Variants in HTN1 observed in about 807,000 individuals in gnomAD.
HTN1 encodes the protein histatin 1.
In HTN1, 18 loss-of-function variants were observed where a neutral mutation model predicts 11.2. That is an observed-to-expected ratio of 1.61 (90% CI 1.12 to 2.39). The LOEUF (loss-of-function observed/expected upper bound fraction) is 2.39. Ranked by LOEUF, HTN1 falls within the 30% of genes most tolerant of loss-of-function variation. The pLI, the probability that HTN1 is intolerant of heterozygous loss-of-function variation, is 0.00. For missense variants in HTN1, 80 were observed against 67.2 expected (o/e 1.19, Z -0.67); for synonymous variants, 21 against 20.5 (o/e 1.02, Z -0.07).
chr4:70,055,697 T>C (rs1022488378), intron 5 of HTN1, 95 bp downstream of exon 5: 5 of 630,096 alleles, frequency 7.9e-6, no homozygotes, highest in African/African-American at 7.4e-5. Flanking sequence ...GTTTAAGAAA[T>C]GTAGCATGGG....
intron 4 of HTN1, 108 bp from the exon 5 acceptor site, chr4:70,055,390 G>A: frequency 1.3e-6 from 1 of 777,586 alleles, no homozygotes; most frequent in South Asian, 1.5e-5. Flanking sequence ...AAAATACAAG[G>A]TCTTAACAAC....
At chr4:70,053,807 T>C (rs1356116370) in intron 2 of HTN1, among the ~76,000 whole-genome samples, 1 of 152,076 alleles carries the variant, frequency 6.6e-6, no homozygotes, top group Non-Finnish European at 1.5e-5. Context: ...ATAATAATAC[T>C]CCAAACTATC....
chr4:70,054,697 C>T (rs1462274848), intron 4 of HTN1, among the ~76,000 whole-genome samples: 1 of 152,052 alleles, frequency 6.6e-6, no homozygotes, highest in African/African-American at 2.4e-5. Flanking sequence ...GAGAACTTAT[C>T]TTTGTCCTGT....
intron 4 of HTN1, 25 bp downstream of exon 4, chr4:70,054,475 A>C (rs1195650927): frequency 7.1e-7 from 1 of 1,417,748 alleles, no homozygotes; most frequent in East Asian, 2.3e-5. Flanking sequence ...GATAATGTGC[A>C]CTCTAAATAA....
intron 5 of HTN1, chr4:70,057,461 C>T (rs1726072598): frequency 3.9e-5 from 6 of 152,072 alleles, no homozygotes; most frequent in Admixed American, 3.9e-4. Context: ...ACCTATGTAA[C>T]AGAACTGCAT....
intron 1 of HTN1, 122 bp downstream of exon 1, chr4:70,050,617 G>A (rs764138298): frequency 1.4e-4 from 22 of 152,058 alleles, no homozygotes; most frequent in Admixed American, 5.2e-4. Context: ...CTTGAATTGC[G>A]TATTTGCCTA....
chr4:70,054,588 A>G, intron 4 of HTN1, 138 bp downstream of exon 4: 2 of 620,242 alleles, frequency 3.2e-6, no homozygotes, highest in Non-Finnish European at 5.5e-6. Context: ...TCATTTATTT[A>G]TGATGCAAAG....
At chr4:70,054,253 A>G in intron 2 of HTN1, 69 bp from the exon 3 acceptor site, 1 of 993,652 alleles carries the variant, frequency 1.0e-6, no homozygotes, top group Non-Finnish European at 1.5e-6. Context: ...GGCTAAGTCA[A>G]TATTTATACT....
intron 1 of HTN1, 73 bp downstream of exon 1, chr4:70,050,568 A>G (rs1471781304): frequency 1.3e-5 from 2 of 152,154 alleles, no homozygotes; most frequent in African/African-American, 4.8e-5. Context: ...ATAGTAACCC[A>G]CTTATGAAAA....
intron 5 of HTN1, chr4:70,056,303 A>G (rs1726040216): frequency 6.6e-6 from 1 of 152,120 alleles, no homozygotes; most frequent in Non-Finnish European, 1.5e-5. Context: ...TCTCCTATTG[A>G]ATAAATGATG....
intron 2 of HTN1, among the ~76,000 whole-genome samples, chr4:70,053,341 C>T (rs1334017379): frequency 6.6e-6 from 1 of 152,062 alleles, no homozygotes; most frequent in African/African-American, 2.4e-5. Flanking sequence ...CACTCAAGTA[C>T]AATTACTTGA....
At chr4:70,054,681 TTC>T (rs1438151245) in intron 4 of HTN1, among the ~76,000 whole-genome samples, 1 of 152,108 alleles carries the variant, frequency 6.6e-6, no homozygotes, top group Non-Finnish European at 1.5e-5. Context: ...TTGTCAATTA[TTC>T]TCTGAGAACT....
rs189040461 is a variant in HTN1, at chr4:70,055,493, T to A, written c.103-5T>A. 148 of 1,581,014 alleles carry A rather than the reference T, an allele frequency of 9.4e-5. No individual in the cohort carries two copies. The African/African-American group carries it at 1.6e-3, about 18-fold the overall frequency. ...AATTTGCTCTCTCCTTTTGTGTGTATGCAGGAAAAGCATCATTCACATCGA... is the reference window on the plus strand; with the variant it reads ...AATTTGCTCTCTCCTTTTGTGTGTAAGCAGGAAAAGCATCATTCACATCGA... On this transcript the variant is annotated splice_region_variant and splice_polypyrimidine_tract_variant and intron_variant, in intron 4 of 5. Coordinates refer to ENST00000246896, the MANE Select transcript of HTN1 (RefSeq NM_002159.4).
chr4:70,052,880 G>A, intron 1 of HTN1, 184 bp from the exon 2 acceptor site: 1 of 513,972 alleles, frequency 1.9e-6, no homozygotes, highest in Non-Finnish European at 3.6e-6. Flanking sequence ...GGGAGGCTAA[G>A]GTGGGAGGAT....
chr4:70,055,613 T>C lies in HTN1; in HGVS notation c.*33+11T>C. Reference sequence around the variant, plus strand: ...GGCATGATTATAGAGGTAAGCTGACTCTAGTTGCTTGTCTTTCTAGAAGTG... The same window carrying C: ...GGCATGATTATAGAGGTAAGCTGACCCTAGTTGCTTGTCTTTCTAGAAGTG... On this transcript the variant is annotated intron_variant, in intron 5 of 5. Transcript: ENST00000246896. The C allele has an allele frequency of 8.2e-7, 1 of 1,219,066 alleles. No homozygotes were observed. The highest frequency in any genetic ancestry group is 1.2e-6 in the Non-Finnish European group (1 of 828,422). The allele number at this position is 1,219,066 out of a possible 1,614,324, so 75.5% of individuals were successfully genotyped here. A position where few individuals can be genotyped will look rare whatever the true frequency, so the allele number is the denominator to read the frequency against.
At chr4:70,054,293 A>C in intron 2 of HTN1, 29 bp from the exon 3 acceptor site, 1 of 1,307,124 alleles carries the variant, frequency 7.7e-7, no homozygotes, top group South Asian at 1.4e-5. Flanking sequence ...TAAAATATTA[A>C]TTATTTTCTC....
Position 70,055,608 on chromosome 4 carries a change from C to T in HTN1, c.*33+6C>T, listed in dbSNP as rs770419218. The T allele has an allele frequency of 7.8e-7, 1 of 1,277,578 alleles. No individual in the cohort carries two copies. The highest frequency in any genetic ancestry group is 1.2e-5 in the South Asian group (1 of 83,146). 79.1% of individuals were successfully genotyped at this position (1,277,578 alleles called of 1,614,324 possible). The stretch of plus-strand genomic sequence containing the variant: ...CATGGGGCATGATTATAGAGGTAAG[C>T]TGACTCTAGTTGCTTGTCTTTCTAG... On this transcript the variant is annotated splice_donor_region_variant and intron_variant, in intron 5 of 5. Transcript: ENST00000246896.
chr4:70,057,655 G>A (rs956854860), intron 5 of HTN1: 13 of 151,978 alleles, frequency 8.6e-5, no homozygotes, highest in African/African-American at 3.1e-4. Flanking sequence ...TTTTCTAATC[G>A]ACAAATACAT....
At chr4:70,057,121 G>C (rs1218715614) in intron 5 of HTN1, 1 of 152,132 alleles carries the variant, frequency 6.6e-6, no homozygotes, top group Non-Finnish European at 1.5e-5. Context: ...CAATAGCAAA[G>C]ACATGGAACC....
Sources: allele counts gnomAD v4.1 joint callset (sites outside exome capture counted in the v4.1 genomes callset), GRCh38; gene constraint gnomAD v4.1.1; transcripts MANE v1.5; gene names NCBI Gene and HGNC (gene_info 2026-07-23, HGNC 2026-07-21).